The following TMPRSS11F variants were observed in gnomAD, a reference collection of about 807,000 sequenced individuals.
TMPRSS11F encodes transmembrane serine protease 11F, also known as transmembrane protease serine 11F.
TMPRSS11F carries 47 observed loss-of-function variants against 60.2 expected under a neutral mutation model. The ratio of observed to expected loss-of-function variants is 0.78; its 90% CI spans 0.62 to 1.00. TMPRSS11F has a LOEUF of 1.00. Among genes scored for constraint, TMPRSS11F ranks in the 50% least tolerant of loss-of-function variants. The pLI, the probability that TMPRSS11F is intolerant of heterozygous loss-of-function variation, is 0.00. For missense variants in TMPRSS11F, 519 were observed against 522.9 expected, an observed-to-expected ratio of 0.99 and a Z score of 0.07; for synonymous variants, 166 against 167.3, an observed-to-expected ratio of 0.99 and a Z score of 0.06.
chr4:68,091,340 T>C (rs1328960389), intron 2 of TMPRSS11F, among the ~76,000 whole-genome samples: 2 of 152,098 alleles, frequency 1.3e-5, no homozygotes, highest in Non-Finnish European at 2.9e-5. Flanking sequence ...GTGAGCTCTT[T>C]ATTTCCACCC....
chr4:68,124,196 G>A (rs555446162), intron 1 of TMPRSS11F, among the ~76,000 whole-genome samples: 1 of 149,314 alleles, frequency 6.7e-6, no homozygotes, highest in Non-Finnish European at 1.5e-5. Context: ...ACTCCAGCCT[G>A]GGCGACAGAG....
chr4:68,055,397 T>G (rs1350689028), intron 9 of TMPRSS11F, among the ~76,000 whole-genome samples: 2 of 152,094 alleles, frequency 1.3e-5, no homozygotes, highest in Admixed American at 1.3e-4. Flanking sequence ...CTAGTGTAGT[T>G]GTCTGGTCAA....
rs768108815 is a variant in TMPRSS11F, at chr4:68,072,347, T to C, written c.490A>G (p.Asn164Asp). 18 of 1,594,824 alleles carry C rather than the reference T, an allele frequency of 1.1e-5. No homozygotes were observed. The highest frequency in any genetic ancestry group is 5.1e-5 in the Admixed American group (3 of 58,974). Residue 164 changes from asparagine to aspartate, a missense_variant, in exon 5 of 10, where the codon AAC becomes GAC. Asn to Asp is a conservative substitution (Grantham distance 23). Coordinates refer to ENST00000356291, the MANE Select transcript of TMPRSS11F (RefSeq NM_207407.2). ...CGTGTGAGTCTAAATGATGGTTTGTTTATGGTCAAAGACAATTGTTTGGTC... is the reference window on the plus strand; with the variant it reads ...CGTGTGAGTCTAAATGATGGTTTGTCTATGGTCAAAGACAATTGTTTGGTC... ...LKTKQLSLTINKPSFRLTPID... is the reference protein window; with the variant it reads ...LKTKQLSLTIDKPSFRLTPID...
intron 1 of TMPRSS11F, among the ~76,000 whole-genome samples, chr4:68,126,709 C>T (rs1253992534): frequency 1.3e-5 from 2 of 152,188 alleles, no homozygotes; most frequent in African/African-American, 2.4e-5. Context: ...GGAGGGAGCT[C>T]TCTGAGCAGA....
chr4:68,085,468 C>T (rs1037471296), intron 3 of TMPRSS11F, among the ~76,000 whole-genome samples: 1 of 152,142 alleles, frequency 6.6e-6, no homozygotes, highest in Non-Finnish European at 1.5e-5. Flanking sequence ...TTTTGATTTG[C>T]ATTTAAACAC....
intron 3 of TMPRSS11F, among the ~76,000 whole-genome samples, chr4:68,089,730 T>C (rs1275930145): frequency 6.6e-6 from 1 of 152,086 alleles, no homozygotes; most frequent in Non-Finnish European, 1.5e-5. Flanking sequence ...AGAGAAAGGA[T>C]AGTACAGTGA....
chr4:68,129,504 A>G (rs1443707720), intron 1 of TMPRSS11F, among the ~76,000 whole-genome samples: 1 of 152,102 alleles, frequency 6.6e-6, no homozygotes, highest in African/African-American at 2.4e-5. Flanking sequence ...TATATTAAAC[A>G]CTTTATTCTT....
chr4:68,127,451 C>T (rs1724735784), intron 1 of TMPRSS11F, among the ~76,000 whole-genome samples: 2 of 151,984 alleles, frequency 1.3e-5, no homozygotes, highest in African/African-American at 4.8e-5. Context: ...CTTATCTCTG[C>T]CTCACTTGCA....
At chr4:68,072,240 T>TATATATATATATCTTCCAAA (rs1723491127) in intron 5 of TMPRSS11F, 83 bp downstream of exon 5, 1 of 149,932 alleles carries the variant, frequency 6.7e-6, no homozygotes, top group African/African-American at 2.6e-5. Context: ...AATATATATA[T>TATATATATATATCTTCCAAA]ATATATATAT....
Position 68,125,528 on chromosome 4 carries a change from C to T in TMPRSS11F, c.11+4282G>A, listed in dbSNP as rs1724698466. Among the ~76,000 whole-genome samples, 3 of 152,146 alleles carry T rather than the reference C, an allele frequency of 2.0e-5. No homozygotes were observed. In the South Asian group the frequency reaches 6.2e-4, roughly 32 times the overall value. On this transcript the variant is annotated intron_variant, in intron 1 of 9. Coordinates refer to ENST00000356291, the MANE Select transcript of TMPRSS11F (RefSeq NM_207407.2). ...TATGAGTTTGAATTGAGTTTTGAAC[C>T]TGGATTTTGAATATGAATGTTCCTG...
chr4:68,055,527 A>T lies in TMPRSS11F; in HGVS notation c.1159-1460T>A, dbSNP rs571363858. 2.0e-5 allele frequency among the ~76,000 whole-genome samples: 3 copies of T among 152,330 alleles called. No homozygotes were observed. In the South Asian group the frequency reaches 6.2e-4, roughly 32 times the overall value. On this transcript the variant is annotated intron_variant, in intron 9 of 9. Transcript: ENST00000356291. ...TCATGAAGAAGTGGAAAACCTGAAG[A>T]AATGGAAAACCTGAACAGATCAATA...
At chr4:68,113,246 C>T (rs1185267641) in intron 1 of TMPRSS11F, among the ~76,000 whole-genome samples, 1 of 152,006 alleles carries the variant, frequency 6.6e-6, no homozygotes, top group Non-Finnish European at 1.5e-5. Context: ...AAAGGCTATT[C>T]TTGTAATAAA....
intron 3 of TMPRSS11F, among the ~76,000 whole-genome samples, chr4:68,082,976 T>G (rs1487584865): frequency 6.6e-6 from 1 of 152,058 alleles, no homozygotes; most frequent in African/African-American, 2.4e-5. Context: ...GGCCAGATAC[T>G]CAGGAAGCAA....
intron 2 of TMPRSS11F, among the ~76,000 whole-genome samples, chr4:68,092,883 C>T (rs1000192090): frequency 6.9e-6 from 1 of 144,936 alleles, no homozygotes; most frequent in African/African-American, 2.5e-5. Flanking sequence ...ACTTTAAGTG[C>T]TTTTAAAAGT....
intron 3 of TMPRSS11F, among the ~76,000 whole-genome samples, chr4:68,076,773 C>G (rs1723592808): frequency 6.6e-6 from 1 of 152,222 alleles, no homozygotes; most frequent in Non-Finnish European, 1.5e-5. Context: ...TCCTGTGCCT[C>G]TCATGACTCC....
chr4:68,084,050 G>C (rs1430707449), intron 3 of TMPRSS11F, among the ~76,000 whole-genome samples: 1 of 152,094 alleles, frequency 6.6e-6, no homozygotes, highest in African/African-American at 2.4e-5. Context: ...CAACAGAATA[G>C]ACCAAGCTGA....
At chr4:68,116,237 C>T (rs1724516415) in intron 1 of TMPRSS11F, among the ~76,000 whole-genome samples, 1 of 151,722 alleles carries the variant, frequency 6.6e-6, no homozygotes, top group Non-Finnish European at 1.5e-5. Flanking sequence ...TTGTTTTTTT[C>T]CCAAGGGAAA....
intron 8 of TMPRSS11F, among the ~76,000 whole-genome samples, chr4:68,060,449 G>A (rs566061978): frequency 1.1e-4 from 15 of 136,698 alleles, no homozygotes; most frequent in African/African-American, 4.1e-4. Flanking sequence ...CTGGGAGGCA[G>A]AGCTTGCAGT....
chr4:68,122,049 A>G (rs1724634902), intron 1 of TMPRSS11F, among the ~76,000 whole-genome samples: 1 of 152,156 alleles, frequency 6.6e-6, no homozygotes, highest in African/African-American at 2.4e-5. Context: ...TGAATATTTG[A>G]GTATGTATTA....
Sources: allele counts gnomAD v4.1 joint callset (sites outside exome capture counted in the v4.1 genomes callset), GRCh38; gene constraint gnomAD v4.1.1; transcripts MANE v1.5; gene names NCBI Gene and HGNC (gene_info 2026-07-23, HGNC 2026-07-21).